DOC2A: variants seen among roughly 807,000 people sequenced by gnomAD.
DOC2A encodes the protein double C2 domain alpha, also known as double C2-like domain-containing protein alpha.
In DOC2A, 28 loss-of-function variants were observed where a neutral mutation model predicts 40.6. The ratio of observed to expected loss-of-function variants is 0.69; its 90% CI spans 0.51 to 0.95. The LOEUF (loss-of-function observed/expected upper bound fraction) is 0.95, where lower values mean the gene tolerates loss of function less well. DOC2A is among the 40% of genes least tolerant of loss of function. The pLI is 0.00. For missense variants in DOC2A, 474 were observed against 552.5 expected (o/e 0.86, Z 1.42); for synonymous variants, 241 against 236.9 (o/e 1.02, Z -0.16).
chr16:30,009,009 G>A lies in DOC2A; in HGVS notation c.514C>T (p.His172Tyr). 6.2e-7 allele frequency: 1 copy of A among 1,613,158 alleles called. No homozygotes were observed. Among genetic ancestry groups the A allele is most frequent in the Admixed American group, 1.7e-5 (1 of 60,022 alleles). The part of the protein sequence containing the change: ...YSGITDDDIT[H>Y]KVLRIAVCDE... ...GGGGGCCCTCACCTGAGCACCTTGT[G>A]CGTGATGTCGTCATCTGTGATCCCG... Residue 172 changes from histidine to tyrosine, a missense_variant, in exon 5 of 11, where the codon CAC becomes TAC. Transcript: ENST00000350119. The surrounding 1 kb of genome is among the most constrained non-coding windows in gnomAD (Gnocchi z 4.1).
upstream of DOC2A, among the ~76,000 whole-genome samples, chr16:30,014,377 T>G (rs977772387): frequency 1.3e-5 from 2 of 151,906 alleles, no homozygotes; most frequent in Admixed American, 6.6e-5. Context: ...GGCTCACGCC[T>G]GTAATCCCAG....
upstream of DOC2A, among the ~76,000 whole-genome samples, chr16:30,013,772 T>C (rs2150961223): frequency 6.6e-6 from 1 of 151,512 alleles, no homozygotes; most frequent in East Asian, 2.0e-4. Context: ...TGGAGTGCAA[T>C]GGTGCGATCT....
intron 1 of DOC2A, among the ~76,000 whole-genome samples, chr16:30,018,291 A>AT (rs1453026835): frequency 6.6e-6 from 1 of 151,604 alleles, no homozygotes; most frequent in Non-Finnish European, 1.5e-5. Flanking sequence ...AAAAAAAAAA[A>AT]AAAGAAAGAA....
chr16:30,016,454 T>C (rs1463521109), upstream of DOC2A, among the ~76,000 whole-genome samples: 1 of 151,880 alleles, frequency 6.6e-6, no homozygotes, highest in Non-Finnish European at 1.5e-5. Flanking sequence ...AGCCGGTGAG[T>C]TTAGCAAGAG....
At chr16:30,016,713 C>G (rs546556636), upstream of DOC2A, among the ~76,000 whole-genome samples, 4 of 152,346 alleles carry the variant, frequency 2.6e-5, no homozygotes, top group South Asian at 8.3e-4. Flanking sequence ...TTGCACCAGT[C>G]ACCCAGTCAT....
rs1025192965 is a variant in DOC2A, at chr16:30,009,891, C to T, written c.262+70G>A. ...ATGCACAGCCAGCAGGGCCCATCCC[C>T]CTCTCCCCCCACCACGGCAAGCCTG... On this transcript the variant is annotated intron_variant, in intron 2 of 10. Coordinates refer to ENST00000350119, the MANE Select transcript of DOC2A (RefSeq NM_003586.3). The surrounding 1 kb of genome is among the most constrained non-coding windows in gnomAD (Gnocchi z 4.1). 58 of 1,595,028 alleles carry T rather than the reference C, an allele frequency of 3.6e-5. No individual in the cohort carries two copies. The African/African-American group carries it at 7.1e-4, about 20-fold the overall frequency.
chr16:30,011,562 T>A, upstream of DOC2A: 1 of 267,666 alleles, frequency 3.7e-6, no homozygotes, highest in Non-Finnish European at 5.7e-6. Context: ...CCGCGCGTCT[T>A]CACGCCCCTC....
chr16:30,006,010 G>A lies in DOC2A; in HGVS notation c.*176C>T, dbSNP rs903434498. On this transcript the variant is annotated 3_prime_UTR_variant, in exon 11 of 11. Transcript: ENST00000350119. The surrounding 1 kb of genome is among the most constrained non-coding windows in gnomAD (Gnocchi z 6.2). Reference sequence around the variant, plus strand: ...CGAGTCAGGCAGGAGGTTTGCATATGTGAATATAGAACTCCGCAGCCCCTC... The same window carrying A: ...CGAGTCAGGCAGGAGGTTTGCATATATGAATATAGAACTCCGCAGCCCCTC... 1.0e-5 allele frequency: 7 copies of A among 702,770 alleles called. No individual in the cohort carries two copies. Among genetic ancestry groups the A allele is most frequent in the African/African-American group, 1.8e-5 (1 of 55,590 alleles). The allele number at this position is 702,770 out of a possible 1,614,324, so 43.5% of individuals were successfully genotyped here.
upstream of DOC2A, chr16:30,012,545 T>C (rs1439027256): frequency 7.4e-6 from 1 of 135,624 alleles, no homozygotes; most frequent in Admixed American, 7.2e-5. Flanking sequence ...TTCACGGCAA[T>C]TTTTTTTTTT....
upstream of DOC2A, chr16:30,011,106 GGGGAGGGGGCGGGATCTC>G: frequency 2.5e-6 from 2 of 786,910 alleles, no homozygotes; most frequent in Non-Finnish European, 3.1e-6. Context: ...CGCTGGGGCT[GGGGAGGGGGCGGGATCTC>G]GGACTCCCAC....
At chr16:30,007,595 G>A (rs750688900) in intron 5 of DOC2A, 17 of 465,958 alleles carry the variant, frequency 3.6e-5, no homozygotes, top group Admixed American at 6.7e-5. Flanking sequence ...CGAACACCAC[G>A]GTGGATGTGG....
upstream of DOC2A, chr16:30,023,060 TGTC>T (rs1192298450): frequency 3.0e-6 from 1 of 331,076 alleles, no homozygotes; most frequent in Non-Finnish European, 5.8e-6. Context: ...TTGTGCCTGT[TGTC>T]CAAACACAGC....
At position 30,010,261 on chromosome 16, in the gene DOC2A, A is replaced by G. The variant is rs2070743824; in HGVS notation, c.-13-26T>C. 3.1e-6 allele frequency: 5 copies of G among 1,610,734 alleles called. No homozygotes were observed. Among genetic ancestry groups the G allele is most frequent in the Non-Finnish European group, 4.2e-6 (5 of 1,179,918 alleles). On this transcript the variant is annotated intron_variant, in intron 1 of 10. Coordinates refer to ENST00000350119, the MANE Select transcript of DOC2A (RefSeq NM_003586.3). The surrounding 1 kb of genome is among the most constrained non-coding windows in gnomAD (Gnocchi z 4.2). ...CTAGGAGAGGGCGTGTGAGCCAGTG[A>G]GCCCATCATACCTAGCCATCCTGGC... is the stretch of plus-strand genomic sequence containing the variant.
In DOC2A at chr16:30,006,062, G is replaced by A. The variant is rs995384253; in HGVS notation, c.*124C>T. 57 of 1,142,552 alleles carry A rather than the reference G, an allele frequency of 5.0e-5. No homozygotes were observed. In the Admixed American group the frequency reaches 1.5e-3, roughly 30 times the overall value. The allele number at this position is 1,142,552 out of a possible 1,614,324, so 70.8% of individuals were successfully genotyped here. ...TGAGCAGACAGACCCGGGTCACGGA[G>A]ACTCACAAAAATAGGTAGTGCAGGG... On this transcript the variant is annotated 3_prime_UTR_variant, in exon 11 of 11. Coordinates refer to ENST00000350119, the MANE Select transcript of DOC2A (RefSeq NM_003586.3). The surrounding 1 kb of genome is among the most constrained non-coding windows in gnomAD (Gnocchi z 6.2).
In DOC2A at chr16:30,010,091, C is replaced by T; in HGVS notation, c.132G>A (p.Gly44=). Residue 44 remains glycine, a synonymous_variant, in exon 2 of 11, where the codon GGG becomes GGA. Transcript: ENST00000350119. This position sits in a 1 kb window ranked among gnomAD's most constrained non-coding sequence, Gnocchi z 4.2. ...GGGCCTCCCCGCCGCCCCCGCCGCC[C>T]CCTTCAGGTCCTGGTCCCCGGGGGA... ...DYFPRGPGPE[G]GGGGGGEAPA... 6.2e-7 allele frequency: 1 copy of T among 1,612,752 alleles called. No individual in the cohort carries two copies. Among genetic ancestry groups the T allele is most frequent in the Non-Finnish European group, 8.5e-7 (1 of 1,179,290 alleles).
chr16:30,012,171 G>C (rs934906821), upstream of DOC2A: 1 of 152,298 alleles, frequency 6.6e-6, no homozygotes, highest in African/African-American at 2.4e-5. Context: ...GACGGCTCAG[G>C]CCTAGGGATC....
At position 30,009,907 on chromosome 16, in the gene DOC2A, G is replaced by A. The variant is rs1335521497; in HGVS notation, c.262+54C>T. 28 of 1,475,134 alleles carry A rather than the reference G, an allele frequency of 1.9e-5. No individual in the cohort carries two copies. The highest frequency in any genetic ancestry group is 5.9e-5 in the African/African-American group (4 of 68,356). The allele number at this position is 1,475,134 out of a possible 1,614,324, so 91.4% of individuals were successfully genotyped here. ...GCCCATCCCCCTCTCCCCCCACCAC[G>A]GCAAGCCTGGAGACCCCCACCAGCA... On this transcript the variant is annotated intron_variant, in intron 2 of 10. Transcript: ENST00000350119. This position sits in a 1 kb window ranked among gnomAD's most constrained non-coding sequence, Gnocchi z 4.1.
chr16:30,022,973 A>G (rs539077002), upstream of DOC2A: 43 of 180,194 alleles, frequency 2.4e-4, no homozygotes, highest in Admixed American at 1.1e-3. Flanking sequence ...AAAAAATGAA[A>G]ATAAATAAAA....
At chr16:30,008,586 C>T (rs1040145455) in intron 5 of DOC2A, 4 of 251,510 alleles carry the variant, frequency 1.6e-5, no homozygotes, top group African/African-American at 4.5e-5. Context: ...TCACTGCAAC[C>T]TCTGCCTCCC....
Sources: allele counts gnomAD v4.1 joint callset (sites outside exome capture counted in the v4.1 genomes callset), GRCh38; gene constraint gnomAD v4.1.1; non-coding constraint Gnocchi (gnomAD v3.1); transcripts MANE v1.5; gene names NCBI Gene and HGNC (gene_info 2026-07-23, HGNC 2026-07-21).